The following TMCC1 variants were observed in gnomAD, a reference collection of about 807,000 sequenced individuals.
TMCC1 encodes transmembrane and coiled-coil domains protein 1.
TMCC1 carries 15 observed loss-of-function variants against 52.4 expected under a neutral mutation model. That is an observed-to-expected ratio of 0.29 (90% CI 0.19 to 0.44). The LOEUF (loss-of-function observed/expected upper bound fraction) is 0.44, where lower values mean the gene tolerates loss of function less well. TMCC1 is among the 20% of genes least tolerant of loss of function. TMCC1 has a pLI of 1.00. For missense variants in TMCC1, 503 were observed against 806.0 expected, an observed-to-expected ratio of 0.62 and a Z score of 4.55; for synonymous variants, 279 against 301.9, an observed-to-expected ratio of 0.92 and a Z score of 0.79.
intron 2 of TMCC1, among the ~76,000 whole-genome samples, chr3:129,866,378 GTTTTT>G (rs1160648900): frequency 9.3e-6 from 1 of 108,038 alleles, no homozygotes; most frequent in Non-Finnish European, 1.9e-5. Flanking sequence ...ATATATATAT[GTTTTT>G]TTTTTTTTTT....
chr3:129,845,735 A>G (rs970329070), intron 2 of TMCC1, among the ~76,000 whole-genome samples: 3 of 152,220 alleles, frequency 2.0e-5, no homozygotes, highest in African/African-American at 7.2e-5. Context: ...ATGTCCCCAA[A>G]GAGCCTAAGT....
chr3:129,844,597 T>A (rs1246211638), intron 2 of TMCC1, among the ~76,000 whole-genome samples: 1 of 152,190 alleles, frequency 6.6e-6, no homozygotes, highest in Non-Finnish European at 1.5e-5. Context: ...GCCTCTCCCA[T>A]CTTCTCTCAC....
At chr3:129,849,422 A>G (rs1424955550) in intron 2 of TMCC1, among the ~76,000 whole-genome samples, 3 of 151,438 alleles carry the variant, frequency 2.0e-5, no homozygotes. Flanking sequence ...ATTGCATGCC[A>G]CTGCACTCCA....
intron 4 of TMCC1, among the ~76,000 whole-genome samples, chr3:129,783,286 C>T (rs994048800): frequency 4.5e-4 from 69 of 152,210 alleles, no homozygotes; most frequent in Admixed American, 4.5e-3. Context: ...AACGGGAAAT[C>T]TCATTAGGGT....
intron 4 of TMCC1, among the ~76,000 whole-genome samples, chr3:129,816,180 T>A (rs1483161518): frequency 6.6e-6 from 1 of 152,184 alleles, no homozygotes; most frequent in Admixed American, 6.5e-5. Flanking sequence ...CGGAGGTTCC[T>A]TTAAAAATTA....
At chr3:129,851,568 T>C (rs910167524) in intron 2 of TMCC1, among the ~76,000 whole-genome samples, 2 of 152,220 alleles carry the variant, frequency 1.3e-5, no homozygotes, top group South Asian at 4.1e-4. Context: ...GGACGGCTAC[T>C]ATCAGGAAAG....
intron 4 of TMCC1, among the ~76,000 whole-genome samples, chr3:129,818,346 G>C (rs1266180920): frequency 6.6e-6 from 1 of 151,800 alleles, no homozygotes; most frequent in Non-Finnish European, 1.5e-5. Flanking sequence ...AAGTTTTAAA[G>C]AAACTTTTAA....
chr3:129,711,719 G>A (rs187394060), intron 4 of TMCC1, among the ~76,000 whole-genome samples: 188 of 150,802 alleles, frequency 1.2e-3, no homozygotes, highest in African/African-American at 4.1e-3. Context: ...GGCCAGGTGC[G>A]GTGGCTCACA....
intron 4 of TMCC1, among the ~76,000 whole-genome samples, chr3:129,804,038 G>C (rs1008157001): frequency 2.0e-5 from 3 of 152,092 alleles, no homozygotes; most frequent in Non-Finnish European, 4.4e-5. Context: ...ACCTTAGTCA[G>C]AGAAACAAAC....
chr3:129,671,263 A>G lies in TMCC1; in HGVS notation c.578T>C (p.Ile193Thr). 1 of 1,604,234 alleles carries G rather than the reference A, an allele frequency of 6.2e-7. No individual in the cohort carries two copies. The highest frequency in any genetic ancestry group is 1.1e-5 in the South Asian group (1 of 90,116). Residue 193 changes from isoleucine (I) to threonine (T), a missense_variant and splice_region_variant, in exon 5 of 7, where the codon ATC becomes ACC. Transcript: ENST00000393238. ...AAGGCTGCTTACTTCCAACCGTTCG[A>G]TCTAGTGTAAAAACAAGAGGTACAT... ...LPGEEGTAER[I>T]ERLEVSSLAQ...
intron 2 of TMCC1, among the ~76,000 whole-genome samples, chr3:129,867,722 C>T (rs2060718510): frequency 6.6e-6 from 1 of 152,178 alleles, no homozygotes; most frequent in Non-Finnish European, 1.5e-5. Context: ...TATCTGGTGA[C>T]TGCATTGGCT....
At chr3:129,733,932 A>T (rs1453777082) in intron 4 of TMCC1, among the ~76,000 whole-genome samples, 1 of 152,200 alleles carries the variant, frequency 6.6e-6, no homozygotes, top group Non-Finnish European at 1.5e-5. Flanking sequence ...ATGCAGGTCA[A>T]TGGGAACTTT....
At chr3:129,882,040 C>T (rs1202007048) in intron 1 of TMCC1, among the ~76,000 whole-genome samples, 1 of 152,096 alleles carries the variant, frequency 6.6e-6, no homozygotes, top group Non-Finnish European at 1.5e-5. Context: ...TTATACTCCA[C>T]CAGGGCACAA....
At chr3:129,682,409 G>A (rs747017473) in intron 4 of TMCC1, among the ~76,000 whole-genome samples, 3 of 152,078 alleles carry the variant, frequency 2.0e-5, no homozygotes, top group Non-Finnish European at 4.4e-5. Flanking sequence ...AAAACTGACA[G>A]TTGCATTTTG....
rs372708749 is a variant in TMCC1 at position 129,819,586 on chromosome 3, G to C, written c.576+8217C>G. On this transcript the variant is annotated intron_variant, in intron 4 of 6. Transcript: ENST00000393238. Reference sequence around the variant, plus strand: ...AAAAAGGAAAAACAATTTCAAACTGGAGTTGTGCTGACCATAAGCATATAA... The same window carrying C: ...AAAAAGGAAAAACAATTTCAAACTGCAGTTGTGCTGACCATAAGCATATAA... Among the ~76,000 whole-genome samples the C allele has an allele frequency of 1.1e-4, 17 of 152,242 alleles. No homozygotes were observed. The East Asian group carries it at 3.1e-3, about 28-fold the overall frequency.
chr3:129,742,807 T>G (rs2051578122), intron 4 of TMCC1, among the ~76,000 whole-genome samples: 1 of 152,180 alleles, frequency 6.6e-6, no homozygotes, highest in South Asian at 2.1e-4. Flanking sequence ...ATCCACATAA[T>G]AGAATATGAT....
chr3:129,698,913 A>G (rs910987739), intron 4 of TMCC1, among the ~76,000 whole-genome samples: 1 of 152,184 alleles, frequency 6.6e-6, no homozygotes, highest in African/African-American at 2.4e-5. Flanking sequence ...ACTTGACAAT[A>G]TAGAAGAAGG....
At chr3:129,835,569 G>A (rs1322412627) in intron 2 of TMCC1, among the ~76,000 whole-genome samples, 1 of 152,164 alleles carries the variant, frequency 6.6e-6, no homozygotes, top group Non-Finnish European at 1.5e-5. Context: ...ATATACTTGG[G>A]AGTCACAGGG....
intron 4 of TMCC1, among the ~76,000 whole-genome samples, chr3:129,746,531 T>G (rs1227334647): frequency 2.0e-5 from 3 of 152,138 alleles, no homozygotes; most frequent in Non-Finnish European, 4.4e-5. Flanking sequence ...GTTCTAAATT[T>G]GATCCTGCAA....
Sources: allele counts gnomAD v4.1 joint callset (sites outside exome capture counted in the v4.1 genomes callset), GRCh38; gene constraint gnomAD v4.1.1; transcripts MANE v1.5; gene names NCBI Gene and HGNC (gene_info 2026-07-23, HGNC 2026-07-21).